NRXN3: variants seen among roughly 807,000 people sequenced by gnomAD.
The protein encoded by NRXN3 is neurexin 3, also known as neurexin III.
Under a neutral mutation model 137.6 loss-of-function variants are expected in NRXN3, and 32 were observed. The observed-to-expected ratio is 0.23, with a 90% CI of 0.18 to 0.31. The LOEUF (loss-of-function observed/expected upper bound fraction) is 0.31. NRXN3 is among the 10% of genes least tolerant of loss of function. The probability of loss-of-function intolerance (pLI) is 1.00; values close to 1 mark genes in which losing one functional copy is unlikely to be tolerated. For missense variants in NRXN3, 1,574 were observed against 2,062.5 expected, an observed-to-expected ratio of 0.76 and a Z score of 4.59; for synonymous variants, 798 against 784.5, an observed-to-expected ratio of 1.02 and a Z score of -0.29.
intron 19 of NRXN3, among the ~76,000 whole-genome samples, chr14:79,758,548 G>T (rs189881922): frequency 1.3e-5 from 2 of 152,260 alleles, no homozygotes; most frequent in East Asian, 3.9e-4. Flanking sequence ...CTCCTACTAG[G>T]CCCTACCTCC....
chr14:79,125,785 C>CT (rs1186734740), intron 15 of NRXN3, among the ~76,000 whole-genome samples: 1 of 152,024 alleles, frequency 6.6e-6, no homozygotes, highest in African/African-American at 2.4e-5. Context: ...TTCATTTCCT[C>CT]TTTTTTTGCT....
intron 12 of NRXN3, 46 bp from the exon 13 acceptor site, chr14:78,967,162 C>T (rs757167335): frequency 9.3e-5 from 145 of 1,554,712 alleles, no homozygotes; most frequent in Non-Finnish European, 1.2e-4. Flanking sequence ...CATTAAACCA[C>T]TTCGGGGATT....
intron 10 of NRXN3, among the ~76,000 whole-genome samples, chr14:78,841,822 G>A (rs967999638): frequency 2.6e-5 from 4 of 151,904 alleles, no homozygotes; most frequent in East Asian, 1.9e-4. Context: ...AGATTTTAAC[G>A]AAGAGTGCTA....
intron 4 of NRXN3, among the ~76,000 whole-genome samples, chr14:78,334,995 A>G (rs75571560): frequency 0.012 from 1,895 of 152,260 alleles, 40 homozygotes; most frequent in African/African-American, 0.042. Context: ...AGGTGGATTG[A>G]AGGTGGGTAC....
At chr14:78,476,499 G>A (rs930894460) in intron 4 of NRXN3, among the ~76,000 whole-genome samples, 35 of 152,114 alleles carry the variant, frequency 2.3e-4, no homozygotes, top group African/African-American at 8.5e-4. Flanking sequence ...TATAAACCAT[G>A]AGGGGCTGGG....
chr14:79,474,803 G>C (rs1407536437), intron 16 of NRXN3, among the ~76,000 whole-genome samples: 2 of 152,018 alleles, frequency 1.3e-5, no homozygotes, highest in Admixed American at 1.3e-4. Context: ...TGAAAACAGG[G>C]AAAGAAGAGA....
At chr14:78,449,878 ATC>A (rs1483034002) in intron 4 of NRXN3, among the ~76,000 whole-genome samples, 2 of 152,334 alleles carry the variant, frequency 1.3e-5, no homozygotes, top group African/African-American at 4.8e-5. Context: ...TGGAATTAAT[ATC>A]TCTCGATTCT....
At chr14:79,316,360 C>T (rs2088668304) in intron 15 of NRXN3, among the ~76,000 whole-genome samples, 1 of 152,136 alleles carries the variant, frequency 6.6e-6, no homozygotes, top group African/African-American at 2.4e-5. Context: ...GTTTAGCCAA[C>T]AAGAAACCCA....
intron 16 of NRXN3, among the ~76,000 whole-genome samples, chr14:79,590,515 A>G (rs1327622447): frequency 6.6e-6 from 1 of 151,092 alleles, no homozygotes; most frequent in Non-Finnish European, 1.5e-5. Context: ...TACTTCTGGG[A>G]CACTGTTGAA....
chr14:79,293,573 A>G (rs1482726922), intron 15 of NRXN3, among the ~76,000 whole-genome samples: 2 of 152,236 alleles, frequency 1.3e-5, no homozygotes, highest in African/African-American at 2.4e-5. Context: ...CAATGTTAGC[A>G]CTCAGGCTTT....
At chr14:78,620,239 G>T (rs2097387662) in intron 4 of NRXN3, among the ~76,000 whole-genome samples, 4 of 152,154 alleles carry the variant, frequency 2.6e-5, no homozygotes, top group Admixed American at 2.6e-4. Context: ...CCAACTTTGG[G>T]ACACTTTTTA....
At chr14:79,512,237 C>T (rs1047484592) in intron 16 of NRXN3, among the ~76,000 whole-genome samples, 1 of 152,052 alleles carries the variant, frequency 6.6e-6, no homozygotes, top group Non-Finnish European at 1.5e-5. Flanking sequence ...CTTACCAGCA[C>T]CAAAAACAAT....
chr14:78,321,144 AG>A (rs1468305163), intron 4 of NRXN3, among the ~76,000 whole-genome samples: 2 of 151,898 alleles, frequency 1.3e-5, no homozygotes, highest in Non-Finnish European at 2.9e-5. Context: ...AAAAGAAAAA[AG>A]ATCACCCAGC....
chr14:79,851,375 T>C (rs2141722133), intron 20 of NRXN3, among the ~76,000 whole-genome samples: 1 of 152,224 alleles, frequency 6.6e-6, no homozygotes, highest in South Asian at 2.1e-4. Flanking sequence ...TTTTTTTTCC[T>C]CCATCTAAAA....
At chr14:79,538,650 G>A (rs1383532890) in intron 16 of NRXN3, among the ~76,000 whole-genome samples, 3 of 152,128 alleles carry the variant, frequency 2.0e-5, no homozygotes, top group African/African-American at 7.2e-5. Context: ...ACCTCTGTCA[G>A]ATGGATAGTT....
chr14:78,188,484 A>G (rs1282105487), intron 1 of NRXN3, among the ~76,000 whole-genome samples: 1 of 152,216 alleles, frequency 6.6e-6, no homozygotes, highest in Non-Finnish European at 1.5e-5. Context: ...CCAAGGCAGA[A>G]GCCTATGTGC....
At chr14:79,809,700 C>A (rs2099224662) in intron 20 of NRXN3, among the ~76,000 whole-genome samples, 2 of 152,128 alleles carry the variant, frequency 1.3e-5, no homozygotes, top group South Asian at 4.1e-4. Flanking sequence ...TAATTGTGTT[C>A]TTCACAAAAC....
At chr14:78,465,054 T>C (rs1183303745) in intron 4 of NRXN3, among the ~76,000 whole-genome samples, 2 of 152,162 alleles carry the variant, frequency 1.3e-5, no homozygotes, top group Non-Finnish European at 2.9e-5. Flanking sequence ...CAACCCACAC[T>C]GAGAGACTAT....
chr14:78,923,658 G>A (rs1397594563), intron 10 of NRXN3, among the ~76,000 whole-genome samples: 1 of 152,186 alleles, frequency 6.6e-6, no homozygotes, highest in Non-Finnish European at 1.5e-5. Context: ...CTTTGGTGGA[G>A]ATCTTGCTTT....
Sources: gnomAD v4.1 joint callset for allele counts (sites outside exome capture counted in the v4.1 genomes callset) on GRCh38, gnomAD v4.1.1 for gene constraint, MANE v1.5 for transcripts, NCBI Gene and HGNC (gene_info 2026-07-23, HGNC 2026-07-21) for gene names.